KIF16B: variants seen among roughly 807,000 people sequenced by gnomAD.
KIF16B encodes the protein kinesin-like protein KIF16B.
Under a neutral mutation model 156.3 loss-of-function variants are expected in KIF16B, and 98 were observed. That is an observed-to-expected ratio of 0.63 (90% CI 0.53 to 0.74). The LOEUF is 0.74. Ranked by LOEUF, KIF16B falls within the 30% of genes least tolerant of loss-of-function variation. KIF16B has a pLI of 0.00. For synonymous variants in KIF16B, 564 were observed against 583.7 expected (o/e 0.97, Z 0.49); for missense variants, 1,421 against 1,606.5 (o/e 0.88, Z 1.97).
At chr20:16,438,605 A>C (rs182895957) in intron 12 of KIF16B, among the ~76,000 whole-genome samples, 2 of 152,134 alleles carry the variant, frequency 1.3e-5, no homozygotes, top group Non-Finnish European at 2.9e-5. Context: ...AATCATGTCC[A>C]TCTAACAAAG....
intron 16 of KIF16B, among the ~76,000 whole-genome samples, chr20:16,405,102 A>G (rs180977526): frequency 6.6e-6 from 1 of 152,150 alleles, no homozygotes; most frequent in Non-Finnish European, 1.5e-5. Flanking sequence ...GCCTTCTCCT[A>G]AGTACAGCAG....
intron 25 of KIF16B, among the ~76,000 whole-genome samples, chr20:16,303,643 C>T (rs868111975): frequency 6.6e-6 from 1 of 152,196 alleles, no homozygotes; most frequent in South Asian, 2.1e-4. Context: ...TTACTGAGGA[C>T]ATATTAACGG....
intron 22 of KIF16B, among the ~76,000 whole-genome samples, chr20:16,358,843 T>C (rs2064495497): frequency 6.6e-6 from 1 of 152,234 alleles, no homozygotes; most frequent in Non-Finnish European, 1.5e-5. Context: ...AGACTTACCT[T>C]TGACTTTCTA....
At chr20:16,356,730 C>T (rs2064450696) in intron 22 of KIF16B, among the ~76,000 whole-genome samples, 2 of 152,080 alleles carry the variant, frequency 1.3e-5, no homozygotes, top group South Asian at 4.1e-4. Flanking sequence ...TTTATAAGAA[C>T]AAGTAAAAAC....
chr20:16,545,848 T>C (rs2070384819), intron 1 of KIF16B, among the ~76,000 whole-genome samples: 1 of 151,758 alleles, frequency 6.6e-6, no homozygotes, highest in Admixed American at 6.6e-5. Context: ...CACATCACTA[T>C]AACCCTCTTC....
At chr20:16,358,886 AT>A (rs1446870975) in intron 22 of KIF16B, among the ~76,000 whole-genome samples, 1 of 152,246 alleles carries the variant, frequency 6.6e-6, no homozygotes, top group Non-Finnish European at 1.5e-5. Flanking sequence ...CCTAAGATAT[AT>A]AATGAAACAT....
intron 17 of KIF16B, among the ~76,000 whole-genome samples, chr20:16,396,648 C>CCTCTT (rs2065510546): frequency 8.0e-6 from 1 of 124,674 alleles, no homozygotes; most frequent in Non-Finnish European, 1.7e-5. Flanking sequence ...ACTGTAGTCG[C>CCTCTT]TTTTTTTTTT....
At chr20:16,465,882 C>T (rs1473605966) in intron 12 of KIF16B, among the ~76,000 whole-genome samples, 1 of 152,154 alleles carries the variant, frequency 6.6e-6, no homozygotes, top group African/African-American at 2.4e-5. Flanking sequence ...GAAGACAGAA[C>T]CAAGCCCTTG....
At chr20:16,294,008 T>C (rs1449647124) in intron 25 of KIF16B, among the ~76,000 whole-genome samples, 2 of 151,290 alleles carry the variant, frequency 1.3e-5, no homozygotes, top group Middle Eastern at 3.4e-3. Context: ...AGAAGGAATA[T>C]AGGAATGCAA....
At chr20:16,516,395 G>A (rs1342674879) in intron 3 of KIF16B, among the ~76,000 whole-genome samples, 1 of 152,146 alleles carries the variant, frequency 6.6e-6, no homozygotes, top group South Asian at 2.1e-4. Context: ...GACAACTGAT[G>A]GTAAATGAAG....
chr20:16,433,882 A>G (rs1367397194), intron 12 of KIF16B, among the ~76,000 whole-genome samples: 1 of 152,224 alleles, frequency 6.6e-6, no homozygotes, highest in East Asian at 1.9e-4. Context: ...ATTGAGTGGC[A>G]TCTACTGTTA....
At position 16,420,606 on chromosome 20, in the gene KIF16B, T is replaced by C. The variant is rs117822998; in HGVS notation, c.1612+6498A>G. ...GTGGAGTTAATATGGCTAGGAATCA[T>C]TGTGACTTGAGTTACCACGCAGCCG... On this transcript the variant is annotated intron_variant, in intron 15 of 25. Coordinates refer to ENST00000354981, the MANE Select transcript of KIF16B (RefSeq NM_024704.5). 1.4e-4 allele frequency among the ~76,000 whole-genome samples: 22 copies of C among 152,266 alleles called. No homozygotes were observed. In the East Asian group the frequency reaches 3.7e-3, roughly 25 times the overall value.
intron 25 of KIF16B, among the ~76,000 whole-genome samples, chr20:16,287,862 T>C (rs6080204): frequency 0.4 from 61,440 of 151,950 alleles, 12,457 homozygotes; most frequent in Non-Finnish European, 0.43. Context: ...TGAGTTTATC[T>C]TGCACCTGTG....
intron 12 of KIF16B, among the ~76,000 whole-genome samples, chr20:16,485,999 AT>A (rs1336376375): frequency 2.0e-5 from 3 of 152,170 alleles, no homozygotes; most frequent in African/African-American, 7.2e-5. Context: ...ATTTTATATA[AT>A]CTCAAGCTTC....
chr20:16,462,470 A>C (rs554185806), intron 12 of KIF16B, among the ~76,000 whole-genome samples: 1 of 152,228 alleles, frequency 6.6e-6, no homozygotes, highest in Non-Finnish European at 1.5e-5. Context: ...AAGCCTTCTT[A>C]ATCAAGACCT....
At chr20:16,289,591 C>T (rs1165077486) in intron 25 of KIF16B, among the ~76,000 whole-genome samples, 8 of 152,182 alleles carry the variant, frequency 5.3e-5, no homozygotes, top group African/African-American at 1.7e-4. Flanking sequence ...CGGTGGCTCA[C>T]GCCTGTAATC....
At chr20:16,414,750 G>GT (rs2066044668) in intron 15 of KIF16B, among the ~76,000 whole-genome samples, 1 of 152,036 alleles carries the variant, frequency 6.6e-6, no homozygotes, top group Non-Finnish European at 1.5e-5. Flanking sequence ...AGAGGGGGTG[G>GT]TAAGTGGGAG....
chr20:16,549,040 AG>A (rs2070529610), intron 1 of KIF16B, among the ~76,000 whole-genome samples: 1 of 142,388 alleles, frequency 7.0e-6, no homozygotes, highest in Non-Finnish European at 1.5e-5. Context: ...TTTTTTCGTT[AG>A]TTTTTTTTTT....
chr20:16,456,005 G>A (rs1229278040), intron 12 of KIF16B, among the ~76,000 whole-genome samples: 1 of 152,068 alleles, frequency 6.6e-6, no homozygotes, highest in Non-Finnish European at 1.5e-5. Context: ...ATTATACATG[G>A]CAACTTGCTT....
Sources: allele counts gnomAD v4.1 joint callset (sites outside exome capture counted in the v4.1 genomes callset), GRCh38; gene constraint gnomAD v4.1.1; transcripts MANE v1.5; gene names NCBI Gene and HGNC (gene_info 2026-07-23, HGNC 2026-07-21).